The following SNX29 variants were observed in gnomAD, a reference collection of about 807,000 sequenced individuals.
SNX29 encodes sorting nexin 29.
In SNX29, 78 loss-of-function variants were observed where a neutral mutation model predicts 102.1. The ratio of observed to expected loss-of-function variants is 0.76; its 90% CI spans 0.64 to 0.92. SNX29 has a LOEUF of 0.92. SNX29 is among the 40% of genes least tolerant of loss of function. The pLI is 0.00. For synonymous variants in SNX29, 580 were observed against 414.5 expected, an observed-to-expected ratio of 1.40 and a Z score of -4.85; for missense variants, 1,280 against 1,061.7, an observed-to-expected ratio of 1.21 and a Z score of -2.86.
At chr16:12,326,288 A>G (rs944845818) in intron 15 of SNX29, among the ~76,000 whole-genome samples, 5 of 150,928 alleles carry the variant, frequency 3.3e-5, no homozygotes, top group Non-Finnish European at 7.4e-5. Flanking sequence ...TGCTGGTATT[A>G]CAGGTGTGAG....
intron 20 of SNX29, chr16:12,527,318 T>G (rs1269872230): frequency 1.9e-6 from 1 of 531,684 alleles, no homozygotes; most frequent in Admixed American, 2.2e-5. Context: ...GAGACTGCTG[T>G]CTCAGCTGGA....
intron 15 of SNX29, among the ~76,000 whole-genome samples, chr16:12,337,330 G>C (rs1188083654): frequency 6.6e-6 from 1 of 151,930 alleles, no homozygotes; most frequent in African/African-American, 2.4e-5. Flanking sequence ...GGTATGCAAT[G>C]CGATGGGTGT....
chr16:12,404,796 G>C (rs755558225), intron 18 of SNX29, among the ~76,000 whole-genome samples: 2 of 152,128 alleles, frequency 1.3e-5, no homozygotes, highest in African/African-American at 2.4e-5. Flanking sequence ...ACTGTTTTGA[G>C]ATTAGAAATA....
At chr16:11,999,709 C>T (rs2056217884) in intron 2 of SNX29, among the ~76,000 whole-genome samples, 1 of 152,106 alleles carries the variant, frequency 6.6e-6, no homozygotes, top group Non-Finnish European at 1.5e-5. Flanking sequence ...CCAGACTAAC[C>T]TGGCCAACAT....
intron 15 of SNX29, among the ~76,000 whole-genome samples, chr16:12,324,487 T>G (rs993862290): frequency 1.3e-5 from 2 of 152,088 alleles, no homozygotes; most frequent in African/African-American, 4.8e-5. Context: ...TTGCCCAGGC[T>G]GTTCTCAAAT....
At chr16:12,001,301 T>TG (rs1292739058) in intron 2 of SNX29, among the ~76,000 whole-genome samples, 1 of 152,000 alleles carries the variant, frequency 6.6e-6, no homozygotes, top group Non-Finnish European at 1.5e-5. Flanking sequence ...TTAGTAGAGG[T>TG]GGGGTTTCAC....
chr16:12,045,042 C>A (rs1300478078), intron 5 of SNX29, among the ~76,000 whole-genome samples: 1 of 152,216 alleles, frequency 6.6e-6, no homozygotes, highest in Non-Finnish European at 1.5e-5. Context: ...TCACCAGCCA[C>A]TTCCCCAGCT....
intron 11 of SNX29, among the ~76,000 whole-genome samples, chr16:12,086,376 C>A (rs1224290786): frequency 6.6e-6 from 1 of 152,146 alleles, no homozygotes; most frequent in Non-Finnish European, 1.5e-5. Flanking sequence ...CAGCAGTGGA[C>A]TAGTCATATG....
intron 20 of SNX29, among the ~76,000 whole-genome samples, chr16:12,558,695 C>T (rs12928620): frequency 0.2 from 29,929 of 152,178 alleles, 3,112 homozygotes; most frequent in East Asian, 0.43. Flanking sequence ...TTTGAATCCA[C>T]CCCCATCCCG....
At chr16:12,551,904 C>T (rs148333157) in intron 20 of SNX29, among the ~76,000 whole-genome samples, 1 of 152,180 alleles carries the variant, frequency 6.6e-6, no homozygotes, top group Non-Finnish European at 1.5e-5. Flanking sequence ...AGGTAGGGAT[C>T]TCTATACCCT....
intron 20 of SNX29, among the ~76,000 whole-genome samples, chr16:12,536,845 G>A (rs372615612): frequency 2.0e-5 from 3 of 152,142 alleles, no homozygotes; most frequent in Non-Finnish European, 4.4e-5. Flanking sequence ...GCATGGTGGT[G>A]CACACCTGTA....
chr16:12,377,399 A>G (rs907656441), intron 16 of SNX29, among the ~76,000 whole-genome samples: 2 of 152,156 alleles, frequency 1.3e-5, no homozygotes, highest in African/African-American at 4.8e-5. Flanking sequence ...GACATTGGCC[A>G]AGCACATTCT....
intron 18 of SNX29, among the ~76,000 whole-genome samples, chr16:12,464,012 C>G (rs1459589947): frequency 6.6e-6 from 1 of 152,114 alleles, no homozygotes; most frequent in Non-Finnish European, 1.5e-5. Context: ...CCTATCTCCC[C>G]TATCCATCCC....
At chr16:12,299,946 C>CTG (rs1281298415) in intron 15 of SNX29, among the ~76,000 whole-genome samples, 1 of 152,180 alleles carries the variant, frequency 6.6e-6, no homozygotes, top group African/African-American at 2.4e-5. Context: ...TCTTGGCTCA[C>CTG]TGCAACCTCC....
intron 15 of SNX29, among the ~76,000 whole-genome samples, chr16:12,349,120 T>G (rs1360063010): frequency 6.6e-6 from 1 of 152,242 alleles, no homozygotes; most frequent in East Asian, 1.9e-4. Context: ...ATAAACTGTG[T>G]AGCTTTAGAC....
chr16:12,005,536 G>A (rs1469856554), intron 3 of SNX29, among the ~76,000 whole-genome samples: 1 of 152,120 alleles, frequency 6.6e-6, no homozygotes, highest in Non-Finnish European at 1.5e-5. Context: ...CTTCCTGGCC[G>A]GGTTGGTTTG....
At chr16:12,307,840 C>G (rs1443675356) in intron 15 of SNX29, among the ~76,000 whole-genome samples, 2 of 152,238 alleles carry the variant, frequency 1.3e-5, no homozygotes, top group African/African-American at 4.8e-5. Flanking sequence ...CTGAGATCCT[C>G]TCATGGTGAC....
intron 20 of SNX29, among the ~76,000 whole-genome samples, chr16:12,540,516 G>A (rs911803187): frequency 6.6e-6 from 1 of 152,204 alleles, no homozygotes; most frequent in Admixed American, 6.5e-5. Context: ...GAGGTTGTGG[G>A]GCAGAATTTG....
At chr16:12,393,780 C>T (rs2083622194) in intron 16 of SNX29, among the ~76,000 whole-genome samples, 1 of 152,264 alleles carries the variant, frequency 6.6e-6, no homozygotes. Context: ...TGAAGATTAA[C>T]TGTGAGACCA....
Sources: gnomAD v4.1 joint callset for allele counts (sites outside exome capture counted in the v4.1 genomes callset) on GRCh38, gnomAD v4.1.1 for gene constraint, MANE v1.5 for transcripts, NCBI Gene and HGNC (gene_info 2026-07-23, HGNC 2026-07-21) for gene names.